ZMYM1: variants seen among roughly 807,000 people sequenced by gnomAD.
The protein encoded by ZMYM1 is zinc finger MYM-type protein 1.
Under a neutral mutation model 60.0 loss-of-function variants are expected in ZMYM1, and 39 were observed. The observed-to-expected ratio is 0.65, with a 90% CI of 0.50 to 0.85. The LOEUF (loss-of-function observed/expected upper bound fraction) is 0.85, where lower values mean the gene tolerates loss of function less well. Among genes scored for constraint, ZMYM1 ranks in the 40% least tolerant of loss-of-function variants. The pLI is 0.00. For synonymous variants in ZMYM1, 413 were observed against 454.0 expected (o/e 0.91, Z 1.15); for missense variants, 1,171 against 1,309.5 (o/e 0.89, Z 1.63).
rs11263996 is a variant in ZMYM1 at position 35,065,661 on chromosome 1, A to C, written c.-301+5736A>C. On this transcript the variant is annotated intron_variant, in intron 1 of 10. Transcript: ENST00000417119. ...AGCTTCCATCTTAAGAAGTTAGAAA[A>C]AAAAAAGGAAAATAATTCCAAAGCA... Among the ~76,000 whole-genome samples, 741 of 151,848 alleles carry C rather than the reference A, an allele frequency of 4.9e-3. 7 individuals carry two copies. The highest frequency in any genetic ancestry group is 0.017 in the African/African-American group (709 of 41,420).
At chr1:35,071,089 G>A in intron 1 of ZMYM1, among the ~76,000 whole-genome samples, 1 of 152,182 alleles carries the variant, frequency 6.6e-6, no homozygotes, top group South Asian at 2.1e-4. Flanking sequence ...GTTTCGCCAT[G>A]TTGGCCAGGC....
At chr1:35,116,017 AGGCCACGAGTTCAAGATGAGGTT>A (rs1644245131), downstream of ZMYM1, among the ~76,000 whole-genome samples, 1 of 152,144 alleles carries the variant, frequency 6.6e-6, no homozygotes, top group Admixed American at 6.5e-5. Context: ...AGATCGCTTG[AGGCCACGAGTTCAAGATGAGGTT>A]GGCAACATAG....
upstream of ZMYM1, among the ~76,000 whole-genome samples, chr1:35,074,479 G>A (rs1250512301): frequency 6.6e-6 from 1 of 151,986 alleles, no homozygotes; most frequent in Non-Finnish European, 1.5e-5. Flanking sequence ...CGCCGTCTTG[G>A]CTCACTGCAA....
intron 1 of ZMYM1, among the ~76,000 whole-genome samples, chr1:35,091,101 A>G (rs1642973298): frequency 6.6e-6 from 1 of 152,184 alleles, no homozygotes; most frequent in Non-Finnish European, 1.5e-5. Flanking sequence ...ATATCTGTAA[A>G]ACAGGTTTGT....
At chr1:35,068,326 C>T (rs1221193728) in intron 1 of ZMYM1, among the ~76,000 whole-genome samples, 2 of 143,190 alleles carry the variant, frequency 1.4e-5, no homozygotes, top group Non-Finnish European at 3.0e-5. Context: ...GGCTGAGACA[C>T]AAGAATTGCT....
Position 35,115,375 on chromosome 1 carries a change from C to G in ZMYM1, c.*116C>G. 2 of 1,211,052 alleles carry G rather than the reference C, an allele frequency of 1.7e-6. No homozygotes were observed. The highest frequency in any genetic ancestry group is 2.2e-6 in the Non-Finnish European group (2 of 899,242). 75.0% of individuals were successfully genotyped at this position (1,211,052 alleles called of 1,614,324 possible). On this transcript the variant is annotated 3_prime_UTR_variant, in exon 10 of 10. Transcript: ENST00000359858. The stretch of plus-strand genomic sequence containing the variant: ...GATAAACAGTGAAGTCTCCTTCCCT[C>G]CTTTAGAACTCATTTTCTCTTCCCA...
chr1:35,063,485 A>G (rs1641911696), intron 1 of ZMYM1, among the ~76,000 whole-genome samples: 2 of 152,006 alleles, frequency 1.3e-5, no homozygotes, highest in African/African-American at 2.4e-5. Flanking sequence ...AATTTTTTTT[A>G]GAGATGGGGT....
intron 1 of ZMYM1, among the ~76,000 whole-genome samples, chr1:35,086,331 A>C (rs1199110680): frequency 6.6e-6 from 1 of 152,106 alleles, no homozygotes; most frequent in Non-Finnish European, 1.5e-5. Flanking sequence ...CTGAGATGGA[A>C]TCTTACTCTG....
chr1:35,060,439 C>T (rs577339881), intron 1 of ZMYM1, among the ~76,000 whole-genome samples: 69 of 152,092 alleles, frequency 4.5e-4, no homozygotes, highest in African/African-American at 1.4e-3. Flanking sequence ...GGATTACAGG[C>T]GTGAGCCACC....
chr1:35,068,687 C>T (rs1043423821), intron 1 of ZMYM1, among the ~76,000 whole-genome samples: 8 of 150,234 alleles, frequency 5.3e-5, no homozygotes, highest in African/African-American at 1.9e-4. Flanking sequence ...CCTCTCATCT[C>T]ACACAAAAAT....
intron 4 of ZMYM1, among the ~76,000 whole-genome samples, chr1:35,102,902 A>G (rs1643732810): frequency 6.6e-6 from 1 of 152,204 alleles, no homozygotes; most frequent in African/African-American, 2.4e-5. Flanking sequence ...AATGTACTTA[A>G]GGATGAAGTT....
At chr1:35,101,778 T>A (rs1643672041) in intron 4 of ZMYM1, among the ~76,000 whole-genome samples, 1 of 151,964 alleles carries the variant, frequency 6.6e-6, no homozygotes, top group Non-Finnish European at 1.5e-5. Context: ...CTCGAACTCC[T>A]GACCTCAAGT....
In ZMYM1 at chr1:35,114,237, CAT is replaced by C. The variant is rs1467998857; in HGVS notation, c.2412_2413del (p.Ser805ThrfsTer8). On this transcript the variant is annotated frameshift_variant, in exon 10 of 10. Coordinates refer to ENST00000359858, the MANE Select transcript of ZMYM1 (RefSeq NM_024772.5). LOFTEE classifies it high-confidence loss of function. ...RLSQNKTCKK[H>X]ISQSCWTVHD... ...AAGTCAAAACAAAACATGCAAGAAA[CAT>C]ATATCACAATCATGTTGGACAGTCC... 1.9e-6 allele frequency: 3 copies of C among 1,613,654 alleles called. No individual in the cohort carries two copies. Among genetic ancestry groups the C allele is most frequent in the Admixed American group, 3.3e-5 (2 of 59,964 alleles).
intron 1 of ZMYM1, among the ~76,000 whole-genome samples, chr1:35,060,236 C>T (rs1439672356): frequency 6.6e-6 from 1 of 151,546 alleles, no homozygotes; most frequent in Non-Finnish European, 1.5e-5. Flanking sequence ...ATAGCGCAAT[C>T]TCGGCTCACT....
Position 35,112,654 on chromosome 1 carries a change from G to A in ZMYM1, c.1147-323G>A, listed in dbSNP as rs566790313. Among the ~76,000 whole-genome samples the A allele has an allele frequency of 5.7e-3, 845 of 147,452 alleles. 10 individuals are homozygous for A. Among genetic ancestry groups the A allele is most frequent in the African/African-American group, 0.019 (760 of 40,350 alleles). Reference sequence around the variant, plus strand: ...TGTATTATGTATTCATATATGGGGTGTGTGTGTATGTTTGTAGATTGTTTA... The same window carrying A: ...TGTATTATGTATTCATATATGGGGTATGTGTGTATGTTTGTAGATTGTTTA... On this transcript the variant is annotated intron_variant, in intron 9 of 9. Coordinates refer to ENST00000359858, the MANE Select transcript of ZMYM1 (RefSeq NM_024772.5).
chr1:35,068,394 G>A lies in ZMYM1; in HGVS notation c.-301+8469G>A, dbSNP rs183281839. 2.9e-3 allele frequency among the ~76,000 whole-genome samples: 435 copies of A among 148,896 alleles called. 1 individual carries two copies. Among genetic ancestry groups the A allele is most frequent in the African/African-American group, 0.01 (420 of 40,180 alleles). On this transcript the variant is annotated intron_variant, in intron 1 of 10. Transcript: ENST00000417119. Reference sequence around the variant, plus strand: ...AGATCACACCGTTGCACTCCAGCCTGGGCAACAGAGTGAAACTCTGCCTCA... The same window carrying A: ...AGATCACACCGTTGCACTCCAGCCTAGGCAACAGAGTGAAACTCTGCCTCA...
Position 35,113,342 on chromosome 1 carries a change from A to G in ZMYM1, c.1512A>G (p.Lys504=). The change falls in exon 10 of 10, where the codon AAA becomes AAG. Residue 504 remains lysine, a synonymous_variant. Coordinates refer to ENST00000359858, the MANE Select transcript of ZMYM1 (RefSeq NM_024772.5). The part of the protein sequence containing the change: ...SFATHGTSNW[K]KTLEKFRKHE... Reference sequence around the variant, plus strand: ...CAACCCACGGAACTTCTAATTGGAAAAAAACCCTGGAAAAATTCAGAAAGC... The same window carrying G: ...CAACCCACGGAACTTCTAATTGGAAGAAAACCCTGGAAAAATTCAGAAAGC... 6.2e-7 allele frequency: 1 copy of G among 1,613,016 alleles called. No homozygotes were observed.
chr1:35,077,635 C>T (rs1441022511), upstream of ZMYM1, among the ~76,000 whole-genome samples: 1 of 152,094 alleles, frequency 6.6e-6, no homozygotes, highest in East Asian at 1.9e-4. Flanking sequence ...CTCATCTGAT[C>T]TTGTGGCCCC....
At chr1:35,103,521 G>A (rs998205246) in intron 4 of ZMYM1, among the ~76,000 whole-genome samples, 11 of 152,188 alleles carry the variant, frequency 7.2e-5, no homozygotes, top group African/African-American at 2.4e-4. Context: ...TCCACTGTAT[G>A]TATGTAACAC....
Sources: allele counts gnomAD v4.1 joint callset (sites outside exome capture counted in the v4.1 genomes callset), GRCh38; gene constraint gnomAD v4.1.1; transcripts MANE v1.5; gene names NCBI Gene and HGNC (gene_info 2026-07-23, HGNC 2026-07-21).